MYO9B: variants seen among roughly 807,000 people sequenced by gnomAD.
The protein encoded by MYO9B is myosin IXB.
In MYO9B, 71 loss-of-function variants were observed where a neutral mutation model predicts 229.5. That is an observed-to-expected ratio of 0.31 (90% CI 0.26 to 0.38). The LOEUF (loss-of-function observed/expected upper bound fraction) is 0.38. MYO9B is among the 10% of genes least tolerant of loss of function. The probability of loss-of-function intolerance (pLI) is 1.00; values close to 1 mark genes in which losing one functional copy is unlikely to be tolerated. For synonymous variants in MYO9B, 1,185 were observed against 1,235.8 expected (o/e 0.96, Z 0.86); for missense variants, 2,255 against 2,920.5 (o/e 0.77, Z 5.25).
chr19:17,205,380 C>CA (rs746145866), intron 31 of MYO9B, 44 bp downstream of exon 31: 1 of 1,572,600 alleles, frequency 6.4e-7, no homozygotes, highest in Non-Finnish European at 8.7e-7. Flanking sequence ...ACACTCCACT[C>CA]ACGGCCAGGT....
chr19:17,096,639 A>G (rs2057691279), intron 1 of MYO9B, among the ~76,000 whole-genome samples: 1 of 151,468 alleles, frequency 6.6e-6, no homozygotes, highest in Non-Finnish European at 1.5e-5. Context: ...ATAAAAAAGC[A>G]GATGAGCTGC....
intron 1 of MYO9B, among the ~76,000 whole-genome samples, chr19:17,085,358 G>A (rs2057572348): frequency 6.6e-6 from 1 of 152,132 alleles, no homozygotes; most frequent in Non-Finnish European, 1.5e-5. Flanking sequence ...GATCCTGGCA[G>A]GCAGAGAGCA....
At chr19:17,160,894 T>A (rs1265134686) in intron 8 of MYO9B, among the ~76,000 whole-genome samples, 1 of 152,144 alleles carries the variant, frequency 6.6e-6, no homozygotes, top group Non-Finnish European at 1.5e-5. Flanking sequence ...AGACAGGGTT[T>A]CACCATGCTG....
intron 2 of MYO9B, among the ~76,000 whole-genome samples, chr19:17,135,659 A>G (rs536005318): frequency 2.0e-5 from 3 of 152,180 alleles, no homozygotes; most frequent in Non-Finnish European, 4.4e-5. Context: ...GCGTGAGGTC[A>G]CCGGGCCTGG....
rs918716410 is a variant in MYO9B, at chr19:17,136,012, C to G, written c.841-9385C>G. Among the ~76,000 whole-genome samples the G allele has an allele frequency of 2.6e-5, 4 of 152,186 alleles. No homozygotes were observed. In the South Asian group the frequency reaches 8.3e-4, roughly 32 times the overall value. On this transcript the variant is annotated intron_variant, in intron 2 of 39. Transcript: ENST00000682292. ...AGACACCCCAGGGCCACCAACAGGA[C>G]TGTCCCCCCCACCCCACCCCTGAGG...
chr19:17,113,629 C>A lies in MYO9B; in HGVS notation c.840+11072C>A, dbSNP rs1280226438. Among the ~76,000 whole-genome samples the A allele has an allele frequency of 5.3e-5, 8 of 152,218 alleles. No individual in the cohort carries two copies. In the East Asian group the frequency reaches 1.4e-3, roughly 26 times the overall value. On this transcript the variant is annotated intron_variant, in intron 2 of 39. Transcript: ENST00000682292. ...GCCCTGACCGCAAGCTACTGAAGGTCCCTGAGGGGGGTGAGCTGGGCACCC... is the reference window on the plus strand; with the variant it reads ...GCCCTGACCGCAAGCTACTGAAGGTACCTGAGGGGGGTGAGCTGGGCACCC...
chr19:17,198,458 C>T (rs545626868), intron 24 of MYO9B, 150 bp downstream of exon 24: 2 of 1,144,270 alleles, frequency 1.7e-6, no homozygotes, highest in Non-Finnish European at 2.4e-6. Context: ...ATGGGGAGGC[C>T]AGGCAGTGGC....
At chr19:17,122,768 A>G (rs994166643) in intron 2 of MYO9B, among the ~76,000 whole-genome samples, 3 of 152,078 alleles carry the variant, frequency 2.0e-5, no homozygotes, top group African/African-American at 7.2e-5. Context: ...GAGCCTTAGG[A>G]GCTAATGAGG....
chr19:17,081,507 G>T (rs1175517643), intron 1 of MYO9B, among the ~76,000 whole-genome samples: 1 of 152,032 alleles, frequency 6.6e-6, no homozygotes. Context: ...ACATTCAGGG[G>T]TGACTAAAGA....
intron 10 of MYO9B, 89 bp downstream of exon 10, chr19:17,163,211 AG>A (rs1310024290): frequency 1.1e-5 from 15 of 1,387,662 alleles, no homozygotes; most frequent in Non-Finnish European, 1.5e-5. Context: ...GTAAATATTC[AG>A]TTCAGCGGCG....
rs899056974 is a variant in MYO9B at position 17,145,375 on chromosome 19, C to A, written c.841-22C>A. ...GAAATTCCACCCTCCTGATCTGAAACCTGCTTTTGATTTCCTTGCAGGCTT... is the reference window on the plus strand; with the variant it reads ...GAAATTCCACCCTCCTGATCTGAAAACTGCTTTTGATTTCCTTGCAGGCTT... On this transcript the variant is annotated intron_variant, in intron 2 of 39. Coordinates refer to ENST00000682292, the MANE Select transcript of MYO9B (RefSeq NM_004145.4). The A allele has an allele frequency of 1.9e-6, 3 of 1,605,848 alleles. No individual in the cohort carries two copies. In the African/African-American group the frequency reaches 4.0e-5, roughly 21 times the overall value.
chr19:17,210,086 G>C (rs1042824510), intron 36 of MYO9B, among the ~76,000 whole-genome samples: 3 of 152,166 alleles, frequency 2.0e-5, no homozygotes, highest in Admixed American at 2.0e-4. Flanking sequence ...CCAGCTTCCT[G>C]CTTGCTGGTG....
chr19:17,154,330 G>A lies in MYO9B; in HGVS notation c.1114G>A (p.Glu372Lys). The change falls in exon 6 of 40, where the codon GAA becomes AAA. Residue 372 changes from glutamate (E) to lysine (K), a missense_variant. Physicochemically the swap from Glu to Lys is moderately conservative, Grantham distance 56. Coordinates refer to ENST00000682292, the MANE Select transcript of MYO9B (RefSeq NM_004145.4). ...FYLNQHNLKI[E>K]DGEDLKHDFE... ...TGTTTTCCAGCATAACTTGAAGATT[G>A]AAGATGGGGAGGACCTGAAGCATGA... The A allele has an allele frequency of 6.2e-7, 1 of 1,612,548 alleles. No homozygotes were observed.
At position 17,094,160 on chromosome 19, in the gene MYO9B, C is replaced by T. The variant is rs185816618; in HGVS notation, c.-58-7500C>T. Among the ~76,000 whole-genome samples the T allele has an allele frequency of 3.0e-3, 457 of 152,100 alleles. 1 individual carries two copies. Among genetic ancestry groups the T allele is most frequent in the African/African-American group, 9.6e-3 (399 of 41,470 alleles). On this transcript the variant is annotated intron_variant, in intron 1 of 39. Coordinates refer to ENST00000682292, the MANE Select transcript of MYO9B (RefSeq NM_004145.4). ...AAGGGATTCTCCTGCCTCAGCCTCC[C>T]GAGTAGCTGGGATTACAGGCATGCG...
intron 33 of MYO9B, 139 bp downstream of exon 33, chr19:17,206,515 G>C: frequency 7.1e-7 from 1 of 1,400,366 alleles, no homozygotes; most frequent in Non-Finnish European, 9.6e-7. Context: ...CAGCCAAACC[G>C]GGTCCCCAGT....
In MYO9B at chr19:17,200,277, G is replaced by A. The variant is rs368562587; in HGVS notation, c.4239-16G>A. Reference sequence around the variant, plus strand: ...TCATTTCAGACTTAAAAGAAGCCACGTACTTTCTCCTGCAGATCCACGTTT... The same window carrying A: ...TCATTTCAGACTTAAAAGAAGCCACATACTTTCTCCTGCAGATCCACGTTT... On this transcript the variant is annotated splice_polypyrimidine_tract_variant and intron_variant, in intron 24 of 39. Coordinates refer to ENST00000682292, the MANE Select transcript of MYO9B (RefSeq NM_004145.4). The A allele has an allele frequency of 3.7e-4, 586 of 1,601,918 alleles. 1 individual carries two copies. The highest frequency in any genetic ancestry group is 4.6e-4 in the Non-Finnish European group (542 of 1,176,330).
chr19:17,111,234 G>A (rs2145078223), intron 2 of MYO9B, among the ~76,000 whole-genome samples: 1 of 152,300 alleles, frequency 6.6e-6, no homozygotes, highest in South Asian at 2.1e-4. Flanking sequence ...CCTGACATGT[G>A]AGGAAACTGA....
chr19:17,120,721 A>T (rs907777636), intron 2 of MYO9B, among the ~76,000 whole-genome samples: 7 of 151,526 alleles, frequency 4.6e-5, no homozygotes, highest in African/African-American at 1.2e-4. Context: ...AACAGTCCTC[A>T]TGGTGAGTAT....
chr19:17,160,023 C>A (rs1451735000), intron 8 of MYO9B, among the ~76,000 whole-genome samples: 1 of 152,170 alleles, frequency 6.6e-6, no homozygotes, highest in African/African-American at 2.4e-5. Context: ...TGACTCTAAA[C>A]CTTGATCAGG....
Sources: allele counts gnomAD v4.1 joint callset (sites outside exome capture counted in the v4.1 genomes callset), GRCh38; gene constraint gnomAD v4.1.1; transcripts MANE v1.5; gene names NCBI Gene and HGNC (gene_info 2026-07-23, HGNC 2026-07-21).